BANP: variants seen among roughly 807,000 people sequenced by gnomAD.
The protein encoded by BANP is BTG3 associated nuclear protein.
BANP carries 11 observed loss-of-function variants against 68.1 expected under a neutral mutation model. The observed-to-expected ratio is 0.16, with a 90% CI of 0.10 to 0.27. BANP has a LOEUF of 0.27. Ranked by LOEUF, BANP falls within the 10% of genes least tolerant of loss-of-function variation. The pLI is 1.00. For synonymous variants in BANP, 329 were observed against 303.2 expected (o/e 1.09, Z -0.88); for missense variants, 504 against 722.7 (o/e 0.70, Z 3.47).
chr16:88,050,362 G>T (rs1277750489), intron 11 of BANP, among the ~76,000 whole-genome samples: 1 of 152,078 alleles, frequency 6.6e-6, no homozygotes, highest in African/African-American at 2.4e-5. Flanking sequence ...TTGCCATGTT[G>T]CCAGGCTGGT....
chr16:88,061,135 G>A (rs1354132301), intron 11 of BANP, among the ~76,000 whole-genome samples: 1 of 152,194 alleles, frequency 6.6e-6, no homozygotes, highest in African/African-American at 2.4e-5. Flanking sequence ...GCTTGATTGA[G>A]GTTCATGCTG....
chr16:88,075,053 A>C (rs1212713914), intron 13 of BANP, among the ~76,000 whole-genome samples: 1 of 152,086 alleles, frequency 6.6e-6, no homozygotes, highest in Non-Finnish European at 1.5e-5. Context: ...AAACGTAAAA[A>C]AATTAGCTGG....
chr16:87,966,673 G>A (rs1407697055), intron 1 of BANP: 3 of 152,168 alleles, frequency 2.0e-5, no homozygotes, highest in Non-Finnish European at 2.9e-5. Context: ...TTAGAAACTA[G>A]CAAAAAGCTT....
At chr16:88,069,198 G>C (rs1468459616) in intron 12 of BANP, among the ~76,000 whole-genome samples, 1 of 152,176 alleles carries the variant, frequency 6.6e-6, no homozygotes, top group Admixed American at 6.5e-5. Context: ...CAGCTGTGCC[G>C]GCAGCTCCTC....
intron 6 of BANP, among the ~76,000 whole-genome samples, chr16:88,014,131 G>A (rs1215958471): frequency 6.6e-6 from 1 of 152,170 alleles, no homozygotes; most frequent in East Asian, 1.9e-4. Context: ...TGCTGAAAAA[G>A]GCCAGGAAGA....
Position 87,960,289 on chromosome 16 carries a change from C to A in BANP, c.-69+8774C>A, listed in dbSNP as rs1281011500. Among the ~76,000 whole-genome samples the A allele has an allele frequency of 1.3e-5, 2 of 152,156 alleles. 1 individual carries two copies. Among genetic ancestry groups the A allele is most frequent in the Middle Eastern group, 6.3e-3 (2 of 316 alleles). ...TGACACCTGGGAGATGAATTTCAGTCTGATGGTGGATCTGGACCCAGATGG... is the reference window on the plus strand; with the variant it reads ...TGACACCTGGGAGATGAATTTCAGTATGATGGTGGATCTGGACCCAGATGG... On this transcript the variant is annotated intron_variant, in intron 1 of 13. Coordinates refer to ENST00000682872, the MANE Select transcript of BANP (RefSeq NM_001386991.1).
chr16:87,980,340 C>CT (rs1343936764), intron 2 of BANP, among the ~76,000 whole-genome samples: 1 of 152,150 alleles, frequency 6.6e-6, no homozygotes, highest in Admixed American at 6.5e-5. Context: ...CGATTTTGGT[C>CT]TTTGATTTTG....
rs55945428 is a variant in BANP, at chr16:88,033,323, C to T, written c.1200+78C>T. 4,759 of 1,378,870 alleles carry T rather than the reference C, an allele frequency of 3.5e-3. 149 individuals carry two copies. The African/African-American group carries it at 0.058, about 17-fold the overall frequency. 85.4% of individuals were successfully genotyped at this position (1,378,870 alleles called of 1,614,324 possible). A position where few individuals can be genotyped will look rare whatever the true frequency, so the allele number is the denominator to read the frequency against. On this transcript the variant is annotated intron_variant, in intron 9 of 13. Transcript: ENST00000682872. ...ACGGCAGGGCCATGGCGGCTTCCAC[C>T]GGTTCCGCTGTGTTTTGGGAGCACA...
chr16:88,015,608 C>A (rs934687678), intron 6 of BANP, among the ~76,000 whole-genome samples: 2 of 152,238 alleles, frequency 1.3e-5, no homozygotes, highest in African/African-American at 4.8e-5. Flanking sequence ...TGCTTGGGGT[C>A]ACCCGTTCTC....
At chr16:87,954,958 C>G (rs2057751978) in intron 1 of BANP, among the ~76,000 whole-genome samples, 1 of 152,260 alleles carries the variant, frequency 6.6e-6, no homozygotes, top group Admixed American at 6.5e-5. Flanking sequence ...AGCCGCCGTT[C>G]CACAGCCGCC....
At chr16:87,970,751 G>A (rs956547791) in intron 1 of BANP, among the ~76,000 whole-genome samples, 2 of 152,122 alleles carry the variant, frequency 1.3e-5, no homozygotes, top group Non-Finnish European at 2.9e-5. Context: ...CGGGCGCGGT[G>A]GCTCGGCCTG....
intron 6 of BANP, among the ~76,000 whole-genome samples, chr16:88,011,717 T>C (rs2073172360): frequency 6.6e-6 from 1 of 152,192 alleles, no homozygotes; most frequent in East Asian, 1.9e-4. Flanking sequence ...AAGTCCCTGA[T>C]TTTAGAGCGA....
intron 4 of BANP, among the ~76,000 whole-genome samples, chr16:87,998,805 T>C (rs1376883221): frequency 7.7e-6 from 1 of 129,158 alleles, no homozygotes; most frequent in Admixed American, 7.8e-5. Flanking sequence ...TACTTACCTG[T>C]CCTTCCAGAC....
At chr16:87,965,709 C>G (rs1284379905) in intron 1 of BANP, among the ~76,000 whole-genome samples, 1 of 152,138 alleles carries the variant, frequency 6.6e-6, no homozygotes, top group Non-Finnish European at 1.5e-5. Flanking sequence ...TGTGTGGGTC[C>G]CCATGCCTTG....
upstream of BANP, chr16:87,951,049 T>G (rs115497647): frequency 6.6e-6 from 1 of 152,200 alleles, no homozygotes; most frequent in Non-Finnish European, 1.5e-5. Flanking sequence ...CCGGCAGGCA[T>G]GGCCCAGACG....
intron 6 of BANP, among the ~76,000 whole-genome samples, chr16:88,015,745 G>A (rs1441345863): frequency 6.6e-6 from 1 of 152,248 alleles, no homozygotes; most frequent in Non-Finnish European, 1.5e-5. Context: ...AGCTGCCGCA[G>A]GGACTCAGGT....
chr16:88,065,682 G>T (rs952231123), intron 12 of BANP, among the ~76,000 whole-genome samples: 1 of 152,196 alleles, frequency 6.6e-6, no homozygotes, highest in African/African-American at 2.4e-5. Flanking sequence ...AGTGGTGATG[G>T]TTCCCTCAGG....
intron 13 of BANP, among the ~76,000 whole-genome samples, chr16:88,074,493 C>T (rs998358637): frequency 1.3e-5 from 2 of 152,048 alleles, no homozygotes; most frequent in African/African-American, 4.8e-5. Context: ...CTGTGGGTGT[C>T]ACAGGCTCCC....
chr16:87,978,685 C>T (rs1007334016), intron 2 of BANP: 3 of 469,364 alleles, frequency 6.4e-6, no homozygotes, highest in African/African-American at 4.0e-5. Context: ...GTAGCTGGGA[C>T]TATCCAGGTT....
Sources: gnomAD v4.1 joint callset for allele counts (sites outside exome capture counted in the v4.1 genomes callset) on GRCh38, gnomAD v4.1.1 for gene constraint, MANE v1.5 for transcripts, NCBI Gene and HGNC (gene_info 2026-07-23, HGNC 2026-07-21) for gene names.